The following FGD1 variants were observed in gnomAD, a reference collection of about 807,000 sequenced individuals.
The protein encoded by FGD1 is FYVE, RhoGEF and PH domain-containing protein 1.
Under a neutral mutation model 65.0 loss-of-function variants are expected in FGD1, and 12 were observed. That is an observed-to-expected ratio of 0.18 (90% confidence interval 0.12 to 0.30). The LOEUF is 0.30. FGD1 is among the 10% of genes least tolerant of loss of function. FGD1 has a pLI of 1.00. For missense variants in FGD1, 542 were observed against 837.6 expected (o/e 0.65, Z 4.36); for synonymous variants, 333 against 343.9 (o/e 0.97, Z 0.35).
At position 54,478,833 on chromosome X, in the gene FGD1, C is replaced by T. The variant is rs1055908184; in HGVS notation, c.308-7346G>A. The stretch of plus-strand genomic sequence containing the variant: ...CCACGGGCTGTAGGCTGCAACCCAA[C>T]GTAAAACTGTATATACACTGAGAAA... On this transcript the variant is annotated intron_variant, in intron 1 of 17. Coordinates refer to ENST00000375135, the MANE Select transcript of FGD1 (RefSeq NM_004463.3). Among the ~76,000 whole-genome samples, 47 of 110,413 alleles carry T rather than the reference C, an allele frequency of 4.3e-4. No homozygotes were observed. The South Asian group carries it at 5.1e-3, about 12-fold the overall frequency.
rs188001844 is a variant in FGD1 at position 54,478,217 on chromosome X, A to G, written c.308-6730T>C. ...CAACGCTAGTCAGGGAAAGCTTCCA[A>G]ATGAATGTGGCAGAGCCGGGCCTTC... On this transcript the variant is annotated intron_variant, in intron 1 of 17. Coordinates refer to ENST00000375135, the MANE Select transcript of FGD1 (RefSeq NM_004463.3). Among the ~76,000 whole-genome samples the G allele has an allele frequency of 1.2e-4, 13 of 111,762 alleles. No individual in the cohort carries two copies. In the South Asian group the frequency reaches 4.1e-3, roughly 36 times the overall value.
intron 1 of FGD1, among the ~76,000 whole-genome samples, chrX:54,491,943 C>T (rs1017339786): frequency 1.0e-4 from 11 of 109,140 alleles, no homozygotes; most frequent in Admixed American, 3.9e-4. Context: ...ACCCACAAAA[C>T]GGCTCTAACA....
intron 1 of FGD1, among the ~76,000 whole-genome samples, chrX:54,491,960 G>A (rs1006030215): frequency 9.2e-6 from 1 of 109,101 alleles, no homozygotes; most frequent in African/African-American, 3.3e-5. Flanking sequence ...AACATCAGGT[G>A]CAACTCCTTT....
At chrX:54,449,852 G>A (rs1170239280) in intron 13 of FGD1, 92 bp from the exon 14 acceptor site, 2 of 653,462 alleles carry the variant, frequency 3.1e-6, no homozygotes, top group Non-Finnish European at 5.0e-6. Flanking sequence ...CTAGCCTGAA[G>A]TTAGAAAAGC....
chrX:54,458,840 G>A (rs1022962875), intron 8 of FGD1, among the ~76,000 whole-genome samples: 1 of 111,911 alleles, frequency 8.9e-6, no homozygotes, highest in African/African-American at 3.2e-5. Context: ...GAGCTCCCTA[G>A]GACAGGGCCA....
chrX:54,470,525 C>G, intron 3 of FGD1, 58 bp downstream of exon 3: 2 of 1,177,054 alleles, frequency 1.7e-6, no homozygotes, highest in Non-Finnish European at 2.3e-6. Context: ...TCCTGACTAT[C>G]CCTTCCTGTC....
At position 54,466,768 on chromosome X, in the gene FGD1, T is replaced by G. The variant is rs771946485; in HGVS notation, c.1341-916A>C. Among the ~76,000 whole-genome samples the G allele has an allele frequency of 6.7e-3, 734 of 109,457 alleles. 6 individuals carry two copies. The highest frequency in any genetic ancestry group is 0.023 in the African/African-American group (695 of 30,146). On this transcript the variant is annotated intron_variant, in intron 6 of 17. Coordinates refer to ENST00000375135, the MANE Select transcript of FGD1 (RefSeq NM_004463.3). ...TTTTGTTTGTTTGTTTTTTTTTTTT[T>G]TGAGAGAGTCTTGCTCTGTTGCCCA...
chrX:54,459,195 C>T (rs774776935), intron 8 of FGD1, among the ~76,000 whole-genome samples: 1 of 111,958 alleles, frequency 8.9e-6, no homozygotes, highest in East Asian at 2.8e-4. Flanking sequence ...CTGATGGGCT[C>T]TGACTGGAGG....
chrX:54,496,176 G>A lies in FGD1; in HGVS notation c.-744C>T, dbSNP rs1010035371. 1.8e-5 allele frequency: 2 copies of A among 110,808 alleles called. No individual in the cohort carries two copies. Among genetic ancestry groups the A allele is most frequent in the Non-Finnish European group, 3.8e-5 (2 of 52,618 alleles). The allele number at this position is 110,808 out of a possible 1,213,427, so 9.1% of individuals were successfully genotyped here. On this transcript the variant is annotated 5_prime_UTR_variant, in exon 1 of 18. Coordinates refer to ENST00000375135, the MANE Select transcript of FGD1 (RefSeq NM_004463.3). ...GCGGGAAGGAGCCCTGGGAAGGGGG[G>A]TGGGGAGGCGGGAGCCTCGCAGAGG...
intron 1 of FGD1, among the ~76,000 whole-genome samples, chrX:54,483,217 G>A (rs932266724): frequency 7.2e-5 from 8 of 111,733 alleles, no homozygotes; most frequent in Non-Finnish European, 1.5e-4. Flanking sequence ...TAAGAGATGC[G>A]GTGAAAGTGA....
At chrX:54,490,639 A>C (rs1463869688) in intron 1 of FGD1, among the ~76,000 whole-genome samples, 2 of 111,359 alleles carry the variant, frequency 1.8e-5, no homozygotes, top group African/African-American at 3.3e-5. Context: ...GGCCATCTTC[A>C]CCTGCATGTA....
In FGD1 at chrX:54,447,291, C is replaced by G. The variant is rs761017111; in HGVS notation, c.2580+20G>C. On this transcript the variant is annotated intron_variant, in intron 17 of 17. Coordinates refer to ENST00000375135, the MANE Select transcript of FGD1 (RefSeq NM_004463.3). Reference sequence around the variant, plus strand: ...GCTTTGCCAGGTGGCTGAAAGGACCCGAAGGAGTAGGATGCATACCTGAGG... The same window carrying G: ...GCTTTGCCAGGTGGCTGAAAGGACCGGAAGGAGTAGGATGCATACCTGAGG... The G allele has an allele frequency of 4.1e-6, 5 of 1,209,586 alleles. No homozygotes were observed. The highest frequency in any genetic ancestry group is 3.5e-5 in the African/African-American group (2 of 57,396).
rs1418036388 is a variant in FGD1 at position 54,495,662 on chromosome X, C to G, written c.-230G>C. On this transcript the variant is annotated 5_prime_UTR_variant, in exon 1 of 18. Transcript: ENST00000375135. ...CAGCAGCCGCGGCCACCGCCGCTGCCGTGCCAGGCATCGCCGGCCCCGGCC... is the reference window on the plus strand; with the variant it reads ...CAGCAGCCGCGGCCACCGCCGCTGCGGTGCCAGGCATCGCCGGCCCCGGCC... The G allele has an allele frequency of 5.4e-5, 9 of 165,573 alleles. No homozygotes were observed. In the East Asian group the frequency reaches 1.2e-3, roughly 22 times the overall value. The allele number at this position is 165,573 out of a possible 1,213,427, so 13.6% of individuals were successfully genotyped here. A position where few individuals can be genotyped will look rare whatever the true frequency, so the allele number is the denominator to read the frequency against.
chrX:54,470,345 C>T lies in FGD1; in HGVS notation c.772G>A (p.Glu258Lys), dbSNP rs201366155. The change falls in exon 4 of 18, where the codon GAG becomes AAG. Residue 258 changes from glutamate to lysine, a missense_variant. Physicochemically the swap from Glu to Lys is moderately conservative, Grantham distance 56. This residue lies in a region of FGD1 where 297 missense variants were observed against 326.8 expected (regional missense o/e 0.91). Coordinates refer to ENST00000375135, the MANE Select transcript of FGD1 (RefSeq NM_004463.3). ...TSQPPVPQLP[E>K]GEASRCLFLL... is the part of the protein sequence containing the mutation. ...AACAGGCAGCGGGAGGCCTCACCCT[C>T]GGGGAGCTGGGGCACTGGTGGCTGC... 71 of 1,207,225 alleles carry T rather than the reference C, an allele frequency of 5.9e-5. No homozygotes were observed. The highest frequency in any genetic ancestry group is 6.9e-5 in the Non-Finnish European group (62 of 893,880).
rs1263288135 is a variant in FGD1 at position 54,458,405 on chromosome X, G to T, written c.1637-1838C>A. On this transcript the variant is annotated intron_variant, in intron 8 of 17. Coordinates refer to ENST00000375135, the MANE Select transcript of FGD1 (RefSeq NM_004463.3). ...AATTTATAAAAATTCGCCAGGCGTGGTGGCACGTGCCTGTAATCCCAGCTA... is the reference window on the plus strand; with the variant it reads ...AATTTATAAAAATTCGCCAGGCGTGTTGGCACGTGCCTGTAATCCCAGCTA... 2.7e-5 allele frequency among the ~76,000 whole-genome samples: 3 copies of T among 110,141 alleles called. No individual in the cohort carries two copies. The East Asian group carries it at 8.5e-4, about 31-fold the overall frequency.
intron 1 of FGD1, among the ~76,000 whole-genome samples, chrX:54,484,265 C>T (rs980441472): frequency 1.8e-5 from 2 of 110,876 alleles, no homozygotes; most frequent in Non-Finnish European, 3.8e-5. Context: ...TTGCCCTGTC[C>T]GCCCACTCCC....
In FGD1 at chrX:54,445,830, G is replaced by A; in HGVS notation, c.*279C>T. ...TGTGGTAGGGTATTGAGGGATGAGGGAGAAAAACGACCTAATTCAGGTAGG... is the reference window on the plus strand; with the variant it reads ...TGTGGTAGGGTATTGAGGGATGAGGAAGAAAAACGACCTAATTCAGGTAGG... On this transcript the variant is annotated 3_prime_UTR_variant, in exon 18 of 18. Transcript: ENST00000375135. 2 of 336,623 alleles carry A rather than the reference G, an allele frequency of 5.9e-6. No homozygotes were observed. Among genetic ancestry groups the A allele is most frequent in the Admixed American group, 1.1e-4 (2 of 17,528 alleles). The allele number at this position is 336,623 out of a possible 1,213,427, so 27.7% of individuals were successfully genotyped here.
At chrX:54,483,609 C>T (rs1923206324) in intron 1 of FGD1, among the ~76,000 whole-genome samples, 1 of 112,303 alleles carries the variant, frequency 8.9e-6, no homozygotes, top group South Asian at 3.7e-4. Context: ...CCTCACCCAC[C>T]TGCCCTTACT....
intron 1 of FGD1, among the ~76,000 whole-genome samples, chrX:54,477,299 C>G (rs901966068): frequency 8.9e-6 from 1 of 112,173 alleles, no homozygotes. Context: ...GACCCTTACC[C>G]TCAGGGAGCT....
Sources: allele counts gnomAD v4.1 joint callset (sites outside exome capture counted in the v4.1 genomes callset), GRCh38; gene constraint gnomAD v4.1.1; regional missense constraint gnomAD v4.1.1; transcripts MANE v1.5; gene names NCBI Gene and HGNC (gene_info 2026-07-23, HGNC 2026-07-21).